REPIN1: variants seen among roughly 807,000 people sequenced by gnomAD.
The protein encoded by REPIN1 is DNA-binding protein REPIN1.
A neutral mutation model predicts 5.7 loss-of-function variants in REPIN1; 4 were observed. The ratio of observed to expected loss-of-function variants is 0.71; its 90% CI spans 0.35 to 1.62. The LOEUF (loss-of-function observed/expected upper bound fraction) is 1.62. Ranked by LOEUF, REPIN1 falls within the 40% of genes most tolerant of loss-of-function variation. REPIN1 has a pLI of 0.05. For synonymous variants in REPIN1, 410 were observed against 386.2 expected (o/e 1.06, Z -0.72); for missense variants, 854 against 901.0 (o/e 0.95, Z 0.67).
At position 150,371,856 on chromosome 7, in the gene REPIN1, G is replaced by A. The variant is rs566332999; in HGVS notation, c.786G>A (p.Glu262=). 3.0e-5 allele frequency: 48 copies of A among 1,605,618 alleles called. No individual in the cohort carries two copies. The highest frequency in any genetic ancestry group is 1.9e-4 in the South Asian group (17 of 90,372). The change falls in exon 3 of 3, where the codon GAG becomes GAA. Residue 262 remains glutamate (E), a synonymous_variant. Coordinates refer to ENST00000489432, the MANE Select transcript of REPIN1 (RefSeq NM_001099695.2). The part of the protein sequence containing the change: ...HKRVHVAEAL[E]EAAAKALGPR... ...GGGTGCACGTAGCTGAGGCCCTGGA[G>A]GAGGCCGCAGCCAAGGCTCTGGGGC...
In REPIN1 at chr7:150,372,104, G is replaced by T; in HGVS notation, c.1034G>T (p.Gly345Val). 1.2e-6 allele frequency: 2 copies of T among 1,612,130 alleles called. No homozygotes were observed. Among genetic ancestry groups the T allele is most frequent in the Non-Finnish European group, 1.7e-6 (2 of 1,179,644 alleles). Reference sequence around the variant, plus strand: ...ACTTCGCACCGGCGCATCCACACCGGCGAGAAGCCCTACCCGTGCAAAGAG... The same window carrying T: ...ACTTCGCACCGGCGCATCCACACCGTCGAGAAGCCCTACCCGTGCAAAGAG... Reference protein sequence around the residue: ...YLTSHRRIHTGEKPYPCKECG... With the variant: ...YLTSHRRIHTVEKPYPCKECG... The change falls in exon 3 of 3, where the codon GGC becomes GTC. Residue 345 changes from glycine (G) to valine (V), a missense_variant. Physicochemically the swap from Gly to Val is moderately radical, Grantham distance 109. This residue lies in a region of REPIN1 where 327 missense variants were observed against 307.8 expected (regional missense o/e 1.06). Transcript: ENST00000489432.
upstream of REPIN1, chr7:150,368,458 G>C (rs1193242976): frequency 1.3e-5 from 2 of 152,072 alleles, no homozygotes; most frequent in African/African-American, 4.8e-5. Context: ...CGGGCTCCCA[G>C]CCTCTCATAA....
upstream of REPIN1, chr7:150,368,793 G>A (rs1799107214): frequency 3.4e-6 from 1 of 290,068 alleles, no homozygotes; most frequent in Non-Finnish European, 6.3e-6. Context: ...CTGGGAACCC[G>A]GCGGGGGGAG....
Position 150,371,294 on chromosome 7 carries a change from G to A in REPIN1, c.224G>A (p.Arg75Gln), listed in dbSNP as rs369321053. ...CTGGCCATGGGCCTGGCCCAGCCCC[G>A]ACTCCTTTCTGGGCCCTCCCAGGAG... Reference protein sequence around the residue: ...GPLAMGLAQPRLLSGPSQESP... With the variant: ...GPLAMGLAQPQLLSGPSQESP... Residue 75 changes from arginine (R) to glutamine (Q), a missense_variant, in exon 3 of 3, where the codon CGA (arginine) becomes CAA (glutamine). Around this residue, in one of 5 missense-constraint regions of REPIN1, gnomAD observed 409 missense variants for 418.6 expected, o/e 0.98. Coordinates refer to ENST00000489432, the MANE Select transcript of REPIN1 (RefSeq NM_001099695.2). The A allele has an allele frequency of 3.7e-5, 59 of 1,592,686 alleles. No individual in the cohort carries two copies. The highest frequency in any genetic ancestry group is 4.4e-5 in the Non-Finnish European group (51 of 1,170,458).
chr7:150,371,363 A>C lies in REPIN1; in HGVS notation c.293A>C (p.Gln98Pro), dbSNP rs1446379457. ...AAGGAGTCCCGCGGGCTGAGGCAACAAGGCACGTCAGTGGCCCAGTCTGGT... is the reference window on the plus strand; with the variant it reads ...AAGGAGTCCCGCGGGCTGAGGCAACCAGGCACGTCAGTGGCCCAGTCTGGT... ...LGKESRGLRQQGTSVAQSGAQ... is the reference protein window; with the variant it reads ...LGKESRGLRQPGTSVAQSGAQ... Residue 98 changes from glutamine (Q) to proline (P), a missense_variant, in exon 3 of 3, where the codon CAA becomes CCA. Around this residue, in one of 5 missense-constraint regions of REPIN1, gnomAD observed 409 missense variants for 418.6 expected, o/e 0.98. Coordinates refer to ENST00000489432, the MANE Select transcript of REPIN1 (RefSeq NM_001099695.2). 1 of 1,591,882 alleles carries C rather than the reference A, an allele frequency of 6.3e-7. No homozygotes were observed. The highest frequency in any genetic ancestry group is 1.1e-5 in the South Asian group (1 of 88,472).
At chr7:150,370,952 G>A (rs1266933981) in intron 2 of REPIN1, 4 of 668,218 alleles carry the variant, frequency 6.0e-6, no homozygotes, top group Admixed American at 4.2e-5. Flanking sequence ...TGACACTGGG[G>A]TAGCTGCCAT....
In REPIN1 at chr7:150,371,541, A is replaced by G. The variant is rs1408113286; in HGVS notation, c.471A>G (p.Leu157=). ...GTCGCTTTCGCCATGCCCCCTTCTT[A>G]GCACTGCACCGCCAGGTCCATGCTG... The part of the protein sequence containing the change: ...CGRRFRHAPF[L]ALHRQVHAAA... The change falls in exon 3 of 3, where the codon TTA becomes TTG. Residue 157 remains leucine, a synonymous_variant. Coordinates refer to ENST00000489432, the MANE Select transcript of REPIN1 (RefSeq NM_001099695.2). The G allele has an allele frequency of 6.2e-7, 1 of 1,605,078 alleles. No individual in the cohort carries two copies. The highest frequency in any genetic ancestry group is 2.2e-5 in the East Asian group (1 of 44,824).
intron 2 of REPIN1, chr7:150,370,505 A>C: frequency 2.0e-6 from 1 of 510,936 alleles, no homozygotes; most frequent in Non-Finnish European, 3.5e-6. Flanking sequence ...GGCTGTTCTC[A>C]CTTGTCCTCC....
In REPIN1 at chr7:150,371,730, TCTG is replaced by T. The variant is rs1390490509; in HGVS notation, c.662_664del (p.Leu221del). 1 of 1,609,296 alleles carries T rather than the reference TCTG, an allele frequency of 6.2e-7. No individual in the cohort carries two copies. ...GGCGACGAAAGCAGCTTCGAGCTCA[TCTG>T]CGGCGGTGCCACCCTCCCGCCCCGG... is the stretch of plus-strand genomic sequence containing the variant. On this transcript the variant is annotated inframe_deletion, in exon 3 of 3. Coordinates refer to ENST00000489432, the MANE Select transcript of REPIN1 (RefSeq NM_001099695.2).
chr7:150,371,014 C>A (rs1473653464), intron 2 of REPIN1: 1 of 665,114 alleles, frequency 1.5e-6, no homozygotes. Context: ...TCCAGGGCAA[C>A]AAAGACATAA....
chr7:150,371,545 C>T lies in REPIN1; in HGVS notation c.475C>T (p.Leu159=), dbSNP rs781203494. ...RRFRHAPFLA[L]HRQVHAAATP... is the part of the protein sequence containing the mutation. ...CTTTCGCCATGCCCCCTTCTTAGCA[C>T]TGCACCGCCAGGTCCATGCTGCTGC... is the stretch of plus-strand genomic sequence containing the variant. The change falls in exon 3 of 3, where the codon CTG becomes TTG. Residue 159 remains leucine (L), a synonymous_variant. Transcript: ENST00000489432. The T allele has an allele frequency of 2.5e-6, 4 of 1,605,030 alleles. No individual in the cohort carries two copies. In the South Asian group the frequency reaches 3.3e-5, roughly 13 times the overall value.
Position 150,371,264 on chromosome 7 carries a change from G to T in REPIN1, c.194G>T (p.Gly65Val). ...EEPMLERRCR[G>V]PLAMGLAQPR... is the part of the protein sequence containing the mutation. ...CCGATGCTGGAACGTCGTTGCAGGG[G>T]CCCCCTGGCCATGGGCCTGGCCCAG... is the stretch of plus-strand genomic sequence containing the variant. The change falls in exon 3 of 3, where the codon GGC becomes GTC. Residue 65 changes from glycine (G) to valine (V), a missense_variant. This residue lies in a region of REPIN1 where 409 missense variants were observed against 418.6 expected (regional missense o/e 0.98). Transcript: ENST00000489432. 6.3e-7 allele frequency: 1 copy of T among 1,599,260 alleles called. No homozygotes were observed.
chr7:150,370,466 C>T, intron 2 of REPIN1: 1 of 437,338 alleles, frequency 2.3e-6, no homozygotes, highest in Non-Finnish European at 4.2e-6. Context: ...GGAGTAGCAC[C>T]CAGGGCTCTG....
In REPIN1 at chr7:150,372,588, T is replaced by A; in HGVS notation, c.1518T>A (p.His506Gln). The A allele has an allele frequency of 6.2e-7, 1 of 1,601,874 alleles. No individual in the cohort carries two copies. The highest frequency in any genetic ancestry group is 8.5e-7 in the Non-Finnish European group (1 of 1,177,064). Reference sequence around the variant, plus strand: ...CCCAGGGCAGCCATCTGGCGGCGCATCGGCGCGACCACGCCCCCGATCGGC... The same window carrying A: ...CCCAGGGCAGCCATCTGGCGGCGCAACGGCGCGACCACGCCCCCGATCGGC... ...RFSQGSHLAA[H>Q]RRDHAPDRPF... The change falls in exon 3 of 3, where the codon CAT (histidine) becomes CAA (glutamine). Residue 506 changes from histidine (H) to glutamine (Q), a missense_variant. Physicochemically the swap from His to Gln is conservative, Grantham distance 24. Around this residue, in one of 5 missense-constraint regions of REPIN1, gnomAD observed 327 missense variants for 307.8 expected, o/e 1.06. Transcript: ENST00000489432.
chr7:150,369,285 G>C, intron 1 of REPIN1: 1 of 416,686 alleles, frequency 2.4e-6, no homozygotes, highest in Non-Finnish European at 4.4e-6. Context: ...CTGGCCCTGC[G>C]CAGCCCCATG....
chr7:150,368,672 C>G (rs1049874033), upstream of REPIN1: 2 of 214,732 alleles, frequency 9.3e-6, no homozygotes, highest in Non-Finnish European at 1.8e-5. Flanking sequence ...TGACCCGGCC[C>G]GCTCTTGGCG....
chr7:150,368,927 C>A lies in REPIN1; in HGVS notation c.-56C>A. Reference sequence around the variant, plus strand: ...CATGGACGGGCGCCGCGTCCCTGCACAGCCCGCCGCAGAGGTACGGCCGGG... The same window carrying A: ...CATGGACGGGCGCCGCGTCCCTGCAAAGCCCGCCGCAGAGGTACGGCCGGG... On this transcript the variant is annotated 5_prime_UTR_variant, in exon 1 of 3. Coordinates refer to ENST00000489432, the MANE Select transcript of REPIN1 (RefSeq NM_001099695.2). The A allele has an allele frequency of 2.7e-6, 1 of 369,446 alleles. No homozygotes were observed. The highest frequency in any genetic ancestry group is 4.8e-6 in the Non-Finnish European group (1 of 207,910). The allele number at this position is 369,446 out of a possible 1,614,324, so 22.9% of individuals were successfully genotyped here. A position where few individuals can be genotyped will look rare whatever the true frequency, so the allele number is the denominator to read the frequency against.
intron 2 of REPIN1, chr7:150,370,982 G>A: frequency 1.6e-6 from 1 of 636,988 alleles, no homozygotes; most frequent in Non-Finnish European, 2.8e-6. Context: ...TCTAGTATCA[G>A]AGTCCCTCCC....
Position 150,372,623 on chromosome 7 carries a change from G to T in REPIN1, c.1553G>T (p.Cys518Phe). ...CACGCCCCCGATCGGCCCTTCGTGT[G>T]TCCCGACTGCGGCAAGGCCTTCCGC... ...RDHAPDRPFV[C>F]PDCGKAFRHK... Residue 518 changes from cysteine to phenylalanine, a missense_variant, in exon 3 of 3, where the codon TGT (cysteine) becomes TTT (phenylalanine). This residue lies in a region of REPIN1 where 327 missense variants were observed against 307.8 expected (regional missense o/e 1.06). Transcript: ENST00000489432. The T allele has an allele frequency of 6.2e-7, 1 of 1,610,314 alleles. No individual in the cohort carries two copies. The highest frequency in any genetic ancestry group is 2.2e-5 in the East Asian group (1 of 44,844).
Sources: gnomAD v4.1 joint callset for allele counts on GRCh38, gnomAD v4.1.1 for gene constraint, gnomAD v4.1.1 regional missense constraint, MANE v1.5 for transcripts, NCBI Gene and HGNC (gene_info 2026-07-23, HGNC 2026-07-21) for gene names.